KDM2B: variants seen among roughly 807,000 people sequenced by gnomAD.
KDM2B encodes lysine-specific demethylase 2B.
A neutral mutation model predicts 150.0 loss-of-function variants in KDM2B; 26 were observed. The ratio of observed to expected loss-of-function variants is 0.17; its 90% CI spans 0.13 to 0.24. The LOEUF (loss-of-function observed/expected upper bound fraction) is 0.24. KDM2B is among the 10% of genes least tolerant of loss of function. The pLI is 1.00. For synonymous variants in KDM2B, 734 were observed against 729.5 expected, an observed-to-expected ratio of 1.01 and a Z score of -0.10; for missense variants, 1,265 against 1,816.9, an observed-to-expected ratio of 0.70 and a Z score of 5.52.
At chr12:121,573,456 G>T (rs1555316307) in intron 4 of KDM2B, among the ~76,000 whole-genome samples, 1 of 151,228 alleles carries the variant, frequency 6.6e-6, no homozygotes, top group East Asian at 2.0e-4. Context: ...CTAATTTTTT[G>T]TAGAGAGAGG....
downstream of KDM2B, among the ~76,000 whole-genome samples, chr12:121,424,710 C>CAA (rs112812260): frequency 6.2e-4 from 72 of 116,488 alleles, no homozygotes; most frequent in African/African-American, 1.4e-3. Context: ...GACCTTGTCT[C>CAA]AAAAAAAAAA....
chr12:121,457,782 C>G (rs1555293116), intron 12 of KDM2B, among the ~76,000 whole-genome samples: 3 of 145,798 alleles, frequency 2.1e-5, no homozygotes, highest in African/African-American at 7.5e-5. Flanking sequence ...ACACAAATAT[C>G]TTGGTATTCC....
At chr12:121,489,421 C>T (rs1555299543) in intron 12 of KDM2B, among the ~76,000 whole-genome samples, 1 of 151,658 alleles carries the variant, frequency 6.6e-6, no homozygotes, top group Non-Finnish European at 1.5e-5. Flanking sequence ...AGGCGTGAGC[C>T]ACCGCACCCG....
downstream of KDM2B, chr12:121,424,379 A>C (rs543520616): frequency 6.6e-6 from 1 of 152,630 alleles, no homozygotes; most frequent in South Asian, 2.1e-4. Flanking sequence ...TCAGTTCCTA[A>C]ATCAAGTGAC....
At chr12:121,517,818 A>G (rs1205776518) in intron 9 of KDM2B, among the ~76,000 whole-genome samples, 1 of 151,742 alleles carries the variant, frequency 6.6e-6, no homozygotes, top group Non-Finnish European at 1.5e-5. Flanking sequence ...GAGCTTGGAG[A>G]CTGACCGATG....
chr12:121,482,818 G>A (rs1408590472), intron 12 of KDM2B, among the ~76,000 whole-genome samples: 1 of 152,096 alleles, frequency 6.6e-6, no homozygotes, highest in Non-Finnish European at 1.5e-5. Flanking sequence ...GTATTTCCTG[G>A]GCCCTTGCAA....
rs1330788998 is a variant in KDM2B, at chr12:121,518,627, G to T, written c.1047+2358C>A. 6.6e-6 allele frequency among the ~76,000 whole-genome samples: 1 copy of T among 152,182 alleles called. No individual in the cohort carries two copies. The highest frequency in any genetic ancestry group is 2.4e-5 in the African/African-American group (1 of 41,444). ...TGCCAGTCGTCATGGGTGGGGGAAG[G>T]GACCTGGGCTCCTAAGGGAACCATG... On this transcript the variant is annotated intron_variant, in intron 9 of 22. Coordinates refer to ENST00000377071, the MANE Select transcript of KDM2B (RefSeq NM_032590.5). This position sits in a 1 kb window ranked among gnomAD's most constrained non-coding sequence, Gnocchi z 4.4.
intron 12 of KDM2B, among the ~76,000 whole-genome samples, chr12:121,481,163 T>A (rs1200098216): frequency 2.0e-5 from 3 of 152,084 alleles, no homozygotes; most frequent in African/African-American, 7.2e-5. Context: ...ATTCCAGACC[T>A]CAAATGATCC....
chr12:121,512,725 G>A (rs1337496405), intron 10 of KDM2B, among the ~76,000 whole-genome samples: 1 of 152,176 alleles, frequency 6.6e-6, no homozygotes, highest in African/African-American at 2.4e-5. Flanking sequence ...GTTCGGGGGG[G>A]ATGATGTCCC....
downstream of KDM2B, among the ~76,000 whole-genome samples, chr12:121,424,899 C>A (rs1872439128): frequency 6.6e-6 from 1 of 152,120 alleles, no homozygotes; most frequent in African/African-American, 2.4e-5. Context: ...TGCTTTGCTT[C>A]TCTAACCTCT....
intron 4 of KDM2B, among the ~76,000 whole-genome samples, chr12:121,559,741 A>G (rs368300238): frequency 6.6e-6 from 1 of 152,044 alleles, no homozygotes; most frequent in Non-Finnish European, 1.5e-5. Context: ...TCTCTACTAA[A>G]AAAAACACAA....
At chr12:121,580,441 A>G in intron 1 of KDM2B, 1 of 1,153,984 alleles carries the variant, frequency 8.7e-7, no homozygotes. Flanking sequence ...GCGCCGTGGC[A>G]TCGCTGTTTT....
chr12:121,519,910 A>G (rs1886537779), intron 9 of KDM2B, among the ~76,000 whole-genome samples: 3 of 152,166 alleles, frequency 2.0e-5, no homozygotes, highest in Admixed American at 2.0e-4. Flanking sequence ...GTTTTTTAGT[A>G]TGAGACAGGT....
At chr12:121,556,686 A>C (rs1218160567) in intron 4 of KDM2B, among the ~76,000 whole-genome samples, 1 of 152,126 alleles carries the variant, frequency 6.6e-6, no homozygotes, top group Non-Finnish European at 1.5e-5. Context: ...CCCTGTCTCT[A>C]CTAAAAATAC....
chr12:121,564,535 T>C lies in KDM2B; in HGVS notation c.397+10012A>G, dbSNP rs114846029. ...GAAGAAACAAAACTGCTATTGTTAA[T>C]AGATGGTATAATTGCTTAACTTAAA... On this transcript the variant is annotated intron_variant, in intron 4 of 22. Coordinates refer to ENST00000377071, the MANE Select transcript of KDM2B (RefSeq NM_032590.5). 2.8e-3 allele frequency among the ~76,000 whole-genome samples: 419 copies of C among 152,242 alleles called. 2 individuals are homozygous for C. The highest frequency in any genetic ancestry group is 9.5e-3 in the African/African-American group (395 of 41,548).
At chr12:121,484,551 C>G (rs1474838561) in intron 12 of KDM2B, among the ~76,000 whole-genome samples, 2 of 152,154 alleles carry the variant, frequency 1.3e-5, no homozygotes, top group African/African-American at 4.8e-5. Context: ...GACATGGTGG[C>G]TCACGCCTGT....
At chr12:121,527,333 C>T (rs1199149123) in intron 8 of KDM2B, among the ~76,000 whole-genome samples, 1 of 120,666 alleles carries the variant, frequency 8.3e-6, no homozygotes, top group Non-Finnish European at 1.7e-5. Context: ...CAGGCGTGAG[C>T]CACTGTGCCC....
Position 121,435,844 on chromosome 12 carries a change from C to T in KDM2B, c.3829+4013G>A, listed in dbSNP as rs560308379. Among the ~76,000 whole-genome samples, 111 of 152,278 alleles carry T rather than the reference C, an allele frequency of 7.3e-4. 2 individuals carry two copies. In the Middle Eastern group the frequency reaches 0.014, roughly 19 times the overall value. ...TCCAGGTTTCACCAAAGAAACGACACACAGAGACCACCCTGTAAGTGTCGT... is the reference window on the plus strand; with the variant it reads ...TCCAGGTTTCACCAAAGAAACGACATACAGAGACCACCCTGTAAGTGTCGT... On this transcript the variant is annotated intron_variant, in intron 22 of 22. Coordinates refer to ENST00000377071, the MANE Select transcript of KDM2B (RefSeq NM_032590.5).
chr12:121,517,613 C>T (rs1045820141), intron 9 of KDM2B, among the ~76,000 whole-genome samples: 1 of 151,928 alleles, frequency 6.6e-6, no homozygotes, highest in Non-Finnish European at 1.5e-5. Flanking sequence ...GGACTACAGG[C>T]ATGAACCACC....
Sources: allele counts gnomAD v4.1 joint callset (sites outside exome capture counted in the v4.1 genomes callset), GRCh38; gene constraint gnomAD v4.1.1; non-coding constraint Gnocchi (gnomAD v3.1); transcripts MANE v1.5; gene names NCBI Gene and HGNC (gene_info 2026-07-23, HGNC 2026-07-21).